VDAC1: variants seen among roughly 807,000 people sequenced by gnomAD.
The protein encoded by VDAC1 is non-selective voltage-gated ion channel VDAC1.
A neutral mutation model predicts 34.7 loss-of-function variants in VDAC1; 10 were observed. The observed-to-expected ratio is 0.29, with a 90% CI of 0.18 to 0.49. The LOEUF (loss-of-function observed/expected upper bound fraction) is 0.49, where lower values mean the gene tolerates loss of function less well. Among genes scored for constraint, VDAC1 ranks in the 20% least tolerant of loss-of-function variants. VDAC1 has a pLI of 0.99. For missense variants in VDAC1, 230 were observed against 347.9 expected (o/e 0.66, Z 2.69); for synonymous variants, 130 against 136.0 (o/e 0.96, Z 0.30).
the VDAC1 span, among the ~76,000 whole-genome samples, chr5:134,084,023 T>C: frequency 0.02 from 3,026 of 152,276 alleles, 86 homozygotes; most frequent in African/African-American, 0.069. Flanking sequence ...ATCTGTAAAA[T>C]AGGGGGCAAA....
At chr5:134,018,343 C>T in the VDAC1 span, among the ~76,000 whole-genome samples, 22,585 of 152,172 alleles carry the variant, frequency 0.15, 1,859 homozygotes, top group East Asian at 0.32. Context: ...TTGCGGAGGG[C>T]ACCAAGCCAT....
chr5:133,983,833 G>C (rs1372113629), intron 5 of VDAC1, among the ~76,000 whole-genome samples: 1 of 151,974 alleles, frequency 6.6e-6, no homozygotes, highest in East Asian at 1.9e-4. Context: ...CCAATAATGA[G>C]TTATGAGATC....
At chr5:134,079,228 C>T in the VDAC1 span, among the ~76,000 whole-genome samples, 1 of 152,166 alleles carries the variant, frequency 6.6e-6, no homozygotes, top group African/African-American at 2.4e-5. Context: ...ATCCTCCTGC[C>T]TCAGCCTCCC....
chr5:134,069,784 T>C, the VDAC1 span, among the ~76,000 whole-genome samples: 1 of 152,156 alleles, frequency 6.6e-6, no homozygotes, highest in Non-Finnish European at 1.5e-5. Context: ...CTGGGTTGCA[T>C]TGCCAGATGA....
intron 1 of VDAC1, among the ~76,000 whole-genome samples, chr5:133,999,350 A>G (rs930355646): frequency 1.3e-5 from 2 of 152,186 alleles, no homozygotes; most frequent in Non-Finnish European, 2.9e-5. Context: ...TGAAACAGGC[A>G]GAACAGCAGA....
At chr5:133,984,457 T>C (rs1426162435) in intron 5 of VDAC1, among the ~76,000 whole-genome samples, 1 of 125,476 alleles carries the variant, frequency 8.0e-6, no homozygotes, top group Admixed American at 8.5e-5. Flanking sequence ...TGTGTGTGTG[T>C]GTGTGTGTGT....
chr5:134,055,573 C>A, the VDAC1 span, among the ~76,000 whole-genome samples: 1 of 134,014 alleles, frequency 7.5e-6, no homozygotes, highest in Non-Finnish European at 1.6e-5. Flanking sequence ...GCGCCCGCCA[C>A]CACGCCCCGC....
intron 6 of VDAC1, among the ~76,000 whole-genome samples, chr5:133,979,440 T>TTTTTG (rs1752605196): frequency 7.2e-6 from 1 of 138,210 alleles, no homozygotes; most frequent in African/African-American, 2.6e-5. Context: ...TTTTTTTTTT[T>TTTTTG]TTTTTTTGAG....
chr5:134,012,950 C>A, the VDAC1 span, among the ~76,000 whole-genome samples: 26 of 152,216 alleles, frequency 1.7e-4, no homozygotes, highest in South Asian at 4.1e-3. Flanking sequence ...CCTCCTACAA[C>A]CAACTAATCT....
the VDAC1 span, among the ~76,000 whole-genome samples, chr5:134,048,767 G>A: frequency 2.0e-3 from 310 of 151,702 alleles, 10 homozygotes; most frequent in East Asian, 0.046. Flanking sequence ...ATCCCCCGCC[G>A]GGCATTTTTT....
the VDAC1 span, among the ~76,000 whole-genome samples, chr5:134,091,322 C>A: frequency 2.6e-5 from 4 of 152,270 alleles, no homozygotes; most frequent in South Asian, 6.2e-4. Context: ...ACTATTCCAA[C>A]GTAGGGTAAC....
chr5:134,092,095 G>A, the VDAC1 span, among the ~76,000 whole-genome samples: 1 of 152,160 alleles, frequency 6.6e-6, no homozygotes, highest in Admixed American at 6.6e-5. Context: ...ACCAGATGAG[G>A]AACCAAGGCT....
At chr5:134,075,773 G>A in the VDAC1 span, among the ~76,000 whole-genome samples, 1 of 151,944 alleles carries the variant, frequency 6.6e-6, no homozygotes, top group Non-Finnish European at 1.5e-5. Context: ...TTTTAGTAGA[G>A]ACGGGGTTTC....
the VDAC1 span, among the ~76,000 whole-genome samples, chr5:134,030,637 C>A: frequency 6.6e-6 from 1 of 150,858 alleles, no homozygotes; most frequent in East Asian, 2.0e-4. Context: ...CACTCTGTCG[C>A]CCAAGCTGGA....
At chr5:134,110,673 C>T in the VDAC1 span, among the ~76,000 whole-genome samples, 4 of 152,254 alleles carry the variant, frequency 2.6e-5, no homozygotes, top group African/African-American at 9.6e-5. Flanking sequence ...CAAGCCCCAA[C>T]AGGATGCCAG....
intron 5 of VDAC1, chr5:133,989,121 C>A (rs1021281771): frequency 5.9e-5 from 9 of 152,208 alleles, no homozygotes; most frequent in African/African-American, 2.2e-4. Context: ...CTCTTCAGAT[C>A]ATCTATAGCC....
chr5:134,070,426 T>G, the VDAC1 span, among the ~76,000 whole-genome samples: 1 of 152,172 alleles, frequency 6.6e-6, no homozygotes, highest in African/African-American at 2.4e-5. Context: ...GATTACAGGC[T>G]TGAGCCACCA....
At chr5:134,057,709 T>C in the VDAC1 span, among the ~76,000 whole-genome samples, 8 of 150,632 alleles carry the variant, frequency 5.3e-5, no homozygotes, top group Non-Finnish European at 1.2e-4. Context: ...AAAAAGGATA[T>C]GTGTCTTTTG....
At chr5:134,068,465 C>G in the VDAC1 span, among the ~76,000 whole-genome samples, 38 of 150,906 alleles carry the variant, frequency 2.5e-4, no homozygotes, top group Non-Finnish European at 5.2e-4. Context: ...TTGAACAACA[C>G]GTATTTTAGT....
Sources: allele counts gnomAD v4.1 joint callset (sites outside exome capture counted in the v4.1 genomes callset), GRCh38; gene constraint gnomAD v4.1.1; transcripts MANE v1.5; gene names NCBI Gene and HGNC (gene_info 2026-07-23, HGNC 2026-07-21).